The following MIPOL1 variants were observed in gnomAD, a reference collection of about 807,000 sequenced individuals.
MIPOL1 encodes mirror-image polydactyly 1, also known as mirror-image polydactyly gene 1 protein.
MIPOL1 carries 57 observed loss-of-function variants against 60.9 expected under a neutral mutation model. The observed-to-expected ratio is 0.94, with a 90% CI of 0.76 to 1.17. The LOEUF is 1.17. Among genes scored for constraint, MIPOL1 ranks in the 50% most tolerant of loss-of-function variants. MIPOL1 has a pLI of 0.00. For missense variants in MIPOL1, 551 were observed against 511.6 expected (o/e 1.08, Z -0.74); for synonymous variants, 179 against 168.8 (o/e 1.06, Z -0.47).
chr14:37,522,419 T>C (rs1275457820), intron 12 of MIPOL1, among the ~76,000 whole-genome samples: 1 of 152,182 alleles, frequency 6.6e-6, no homozygotes, highest in Non-Finnish European at 1.5e-5. Flanking sequence ...TTGTTTGTGT[T>C]AGTGGACTTA....
intron 9 of MIPOL1, among the ~76,000 whole-genome samples, chr14:37,366,638 A>G (rs761035516): frequency 1.2e-4 from 18 of 152,000 alleles, no homozygotes; most frequent in Non-Finnish European, 2.5e-4. Flanking sequence ...GTTGGACGAA[A>G]TGTTCCGTAA....
intron 12 of MIPOL1, among the ~76,000 whole-genome samples, chr14:37,528,553 G>A (rs1265806354): frequency 1.3e-5 from 2 of 152,044 alleles, no homozygotes; most frequent in Non-Finnish European, 2.9e-5. Context: ...GGAAAAGAGA[G>A]AAATATAGTA....
At chr14:37,474,631 A>G (rs1163138173) in intron 11 of MIPOL1, among the ~76,000 whole-genome samples, 1 of 152,164 alleles carries the variant, frequency 6.6e-6, no homozygotes, top group Non-Finnish European at 1.5e-5. Context: ...ACCCAGTCTC[A>G]GGTATATCTT....
At position 37,385,357 on chromosome 14, in the gene MIPOL1, C is replaced by T. The variant is rs1377164939; in HGVS notation, c.936+15733C>T. 3 of 152,164 alleles carry T rather than the reference C, an allele frequency of 2.0e-5. No homozygotes were observed. In the East Asian group the frequency reaches 5.8e-4, roughly 29 times the overall value. 9.4% of individuals were successfully genotyped at this position (152,164 alleles called of 1,614,324 possible). On this transcript the variant is annotated intron_variant, in intron 10 of 12. Coordinates refer to ENST00000684589, the MANE Select transcript of MIPOL1 (RefSeq NM_001388067.1). ...TATTCTGAGGTGTTGAAAGGTGAAA[C>T]ATTTGACATTTTCTTTTCGGGTATT...
At chr14:37,485,454 G>T (rs1358880224) in intron 11 of MIPOL1, among the ~76,000 whole-genome samples, 1 of 152,142 alleles carries the variant, frequency 6.6e-6, no homozygotes, top group Non-Finnish European at 1.5e-5. Flanking sequence ...CACCAACAGT[G>T]TAAAAGCATT....
At chr14:37,228,155 A>G (rs1384768534) in intron 1 of MIPOL1, among the ~76,000 whole-genome samples, 1 of 152,130 alleles carries the variant, frequency 6.6e-6, no homozygotes. Flanking sequence ...CTAAGGCAAC[A>G]TCAGGGACTT....
chr14:37,481,693 C>G (rs906156120), intron 11 of MIPOL1, among the ~76,000 whole-genome samples: 27 of 150,984 alleles, frequency 1.8e-4, no homozygotes, highest in Admixed American at 7.3e-4. Flanking sequence ...AATAATACAA[C>G]AGAGCTGTAG....
At chr14:37,199,986 C>G (rs1964968404) in intron 1 of MIPOL1, among the ~76,000 whole-genome samples, 1 of 152,166 alleles carries the variant, frequency 6.6e-6, no homozygotes. Context: ...ATGCTTGCAA[C>G]ATTTCACACT....
intron 1 of MIPOL1, among the ~76,000 whole-genome samples, chr14:37,246,519 T>C (rs892175549): frequency 1.3e-5 from 2 of 152,162 alleles, no homozygotes; most frequent in South Asian, 2.1e-4. Flanking sequence ...AGTTATTCCC[T>C]TAAATGCCCA....
chr14:37,529,954 G>C (rs1257797981), intron 12 of MIPOL1, among the ~76,000 whole-genome samples: 1 of 152,112 alleles, frequency 6.6e-6, no homozygotes, highest in Non-Finnish European at 1.5e-5. Flanking sequence ...AAGCAGTGGC[G>C]ATTACTTGAT....
chr14:37,349,409 T>C (rs1341633375), intron 9 of MIPOL1, among the ~76,000 whole-genome samples: 1 of 152,206 alleles, frequency 6.6e-6, no homozygotes, highest in African/African-American at 2.4e-5. Context: ...AGCCGTAGTC[T>C]TTACAAGAAT....
intron 1 of MIPOL1, among the ~76,000 whole-genome samples, chr14:37,200,593 G>A (rs996812680): frequency 6.6e-6 from 1 of 151,270 alleles, no homozygotes; most frequent in Non-Finnish European, 1.5e-5. Flanking sequence ...TTTACATTGA[G>A]TTGGGTTTTG....
intron 1 of MIPOL1, among the ~76,000 whole-genome samples, chr14:37,241,484 G>A (rs549804058): frequency 6.6e-6 from 1 of 151,430 alleles, no homozygotes; most frequent in Non-Finnish European, 1.5e-5. Context: ...TTGGGAGGCC[G>A]AGGTGGGAGA....
chr14:37,466,491 C>T (rs2094599770), intron 11 of MIPOL1, among the ~76,000 whole-genome samples: 1 of 152,156 alleles, frequency 6.6e-6, no homozygotes, highest in Non-Finnish European at 1.5e-5. Flanking sequence ...AACACCTTTA[C>T]AGCCATTAAA....
intron 10 of MIPOL1, among the ~76,000 whole-genome samples, chr14:37,422,583 A>G (rs1230170542): frequency 6.6e-6 from 1 of 152,046 alleles, no homozygotes; most frequent in Non-Finnish European, 1.5e-5. Flanking sequence ...AAAGTTAAAC[A>G]TTGCAGAAGG....
At chr14:37,226,483 C>T (rs565664836) in intron 1 of MIPOL1, among the ~76,000 whole-genome samples, 1 of 152,184 alleles carries the variant, frequency 6.6e-6, no homozygotes, top group Non-Finnish European at 1.5e-5. Flanking sequence ...GGGGTTCCCC[C>T]TTATAGAACC....
Position 37,250,722 on chromosome 14 carries a change from C to T in MIPOL1, c.19+2815C>T, listed in dbSNP as rs191356425. On this transcript the variant is annotated intron_variant, in intron 3 of 12. Coordinates refer to ENST00000684589, the MANE Select transcript of MIPOL1 (RefSeq NM_001388067.1). ...CAAAGCGCTATCTTACATAAATGTT[C>T]CTAGTCGGTTCCTTTGAATAGTTAT... Among the ~76,000 whole-genome samples, 36 of 152,102 alleles carry T rather than the reference C, an allele frequency of 2.4e-4. 1 individual carries two copies. The highest frequency in any genetic ancestry group is 3.4e-3 in the Middle Eastern group (1 of 294).
At chr14:37,327,940 A>G (rs979208667) in intron 9 of MIPOL1, among the ~76,000 whole-genome samples, 1 of 152,140 alleles carries the variant, frequency 6.6e-6, no homozygotes, top group African/African-American at 2.4e-5. Flanking sequence ...GAAAAGGAAA[A>G]TGGGTTAAAT....
intron 11 of MIPOL1, among the ~76,000 whole-genome samples, chr14:37,494,887 T>G (rs111952853): frequency 0.021 from 3,203 of 152,216 alleles, 98 homozygotes; most frequent in African/African-American, 0.072. Context: ...TTAACAGGTT[T>G]CCAAGGTATT....
Sources: allele counts gnomAD v4.1 joint callset (sites outside exome capture counted in the v4.1 genomes callset), GRCh38; gene constraint gnomAD v4.1.1; transcripts MANE v1.5; gene names NCBI Gene and HGNC (gene_info 2026-07-23, HGNC 2026-07-21).